The following SCFD2 variants were observed in gnomAD, a reference collection of about 807,000 sequenced individuals.
SCFD2 encodes sec1 family domain-containing protein 2.
In SCFD2, 54 loss-of-function variants were observed where a neutral mutation model predicts 58.9. The observed-to-expected ratio is 0.92, with a 90% CI of 0.74 to 1.15. The LOEUF is 1.15. SCFD2 is among the 50% of genes most tolerant of loss of function. The probability of loss-of-function intolerance (pLI) is 0.00; values close to 1 mark genes in which losing one functional copy is unlikely to be tolerated. For missense variants in SCFD2, 805 were observed against 836.6 expected, an observed-to-expected ratio of 0.96 and a Z score of 0.47; for synonymous variants, 321 against 335.9, an observed-to-expected ratio of 0.96 and a Z score of 0.49.
intron 2 of SCFD2, among the ~76,000 whole-genome samples, chr4:53,340,940 C>T (rs1733850313): frequency 6.6e-6 from 1 of 152,106 alleles, no homozygotes; most frequent in African/African-American, 2.4e-5. Context: ...AAAGGACATC[C>T]ACACCAAAAC....
At chr4:52,921,726 G>A (rs1247833846) in intron 5 of SCFD2, among the ~76,000 whole-genome samples, 1 of 152,128 alleles carries the variant, frequency 6.6e-6, no homozygotes, top group African/African-American at 2.4e-5. Context: ...CCCTGCGAGA[G>A]TGGTAAAGTT....
At chr4:53,232,351 G>A (rs953852491) in intron 4 of SCFD2, among the ~76,000 whole-genome samples, 17 of 152,166 alleles carry the variant, frequency 1.1e-4, no homozygotes, top group African/African-American at 3.9e-4. Context: ...AAAGCTCCAC[G>A]TGGAAGGGTG....
chr4:53,128,521 G>C (rs982223955), intron 5 of SCFD2, among the ~76,000 whole-genome samples: 1 of 152,078 alleles, frequency 6.6e-6, no homozygotes, highest in Non-Finnish European at 1.5e-5. Context: ...AAGGTGACCA[G>C]TTATAAGATA....
chr4:52,975,086 A>T (rs1024849154), intron 5 of SCFD2, among the ~76,000 whole-genome samples: 1 of 152,152 alleles, frequency 6.6e-6, no homozygotes, highest in Non-Finnish European at 1.5e-5. Flanking sequence ...AACCTAGGCA[A>T]TACCATTCAG....
chr4:53,164,788 C>CAA (rs767167356), intron 4 of SCFD2, among the ~76,000 whole-genome samples: 3,051 of 97,204 alleles, frequency 0.031, 71 homozygotes, highest in Middle Eastern at 0.058. Flanking sequence ...TCTGGAGTCT[C>CAA]AAAAAAAAAA....
intron 5 of SCFD2, among the ~76,000 whole-genome samples, chr4:53,112,889 T>C (rs2148885842): frequency 6.6e-6 from 1 of 152,110 alleles, no homozygotes; most frequent in East Asian, 1.9e-4. Context: ...TCCTTACGCA[T>C]TCCCTACCCC....
chr4:53,229,842 G>A (rs1005553262), intron 4 of SCFD2, among the ~76,000 whole-genome samples: 4 of 152,126 alleles, frequency 2.6e-5, no homozygotes, highest in African/African-American at 4.8e-5. Context: ...GCAACCTACA[G>A]AATGGGAGAA....
intron 5 of SCFD2, among the ~76,000 whole-genome samples, chr4:53,055,956 T>C (rs1203161321): frequency 6.6e-6 from 1 of 152,108 alleles, no homozygotes; most frequent in Non-Finnish European, 1.5e-5. Flanking sequence ...TGTGGTTCTC[T>C]CCTAGCCCCA....
chr4:53,252,944 A>G (rs1730453037), intron 4 of SCFD2, among the ~76,000 whole-genome samples: 1 of 152,218 alleles, frequency 6.6e-6, no homozygotes, highest in African/African-American at 2.4e-5. Context: ...CATCAGAGTG[A>G]ACAGGCAGCC....
At chr4:52,936,586 C>G (rs1028561069) in intron 5 of SCFD2, among the ~76,000 whole-genome samples, 2 of 152,180 alleles carry the variant, frequency 1.3e-5, no homozygotes, top group African/African-American at 4.8e-5. Context: ...TGTCTGCCAA[C>G]TCAGTTTTCA....
intron 5 of SCFD2, among the ~76,000 whole-genome samples, chr4:53,111,470 G>A (rs1725171319): frequency 6.6e-6 from 1 of 152,056 alleles, no homozygotes; most frequent in South Asian, 2.1e-4. Flanking sequence ...TTATCTTCAA[G>A]TCGGTCATCT....
chr4:53,230,584 G>C (rs1205143921), intron 4 of SCFD2, among the ~76,000 whole-genome samples: 5 of 139,558 alleles, frequency 3.6e-5, no homozygotes, highest in African/African-American at 5.4e-5. Flanking sequence ...AGAACGCATG[G>C]ACACAGGAAG....
At chr4:53,029,221 A>G (rs1330841127) in intron 5 of SCFD2, among the ~76,000 whole-genome samples, 1 of 150,640 alleles carries the variant, frequency 6.6e-6, no homozygotes, top group African/African-American at 2.4e-5. Context: ...GCCAATCTTC[A>G]TCTTTGGAAA....
At chr4:53,104,200 C>T (rs530211544) in intron 5 of SCFD2, among the ~76,000 whole-genome samples, 4 of 151,998 alleles carry the variant, frequency 2.6e-5, no homozygotes, top group Non-Finnish European at 5.9e-5. Context: ...GTAGAGAAAA[C>T]TGAAAAATGC....
chr4:52,939,182 C>T (rs1366014546), intron 5 of SCFD2, among the ~76,000 whole-genome samples: 1 of 152,048 alleles, frequency 6.6e-6, no homozygotes, highest in Non-Finnish European at 1.5e-5. Flanking sequence ...CCTCCACAGT[C>T]TAGGTGAAAA....
intron 4 of SCFD2, among the ~76,000 whole-genome samples, chr4:53,247,867 CAAAAAAAAAAAAA>C (rs35585900): frequency 1.8e-5 from 1 of 54,510 alleles, no homozygotes; most frequent in Non-Finnish European, 3.6e-5. Context: ...GACTCCGTCT[CAAAAAAAAAAAAA>C]AAAAAAAAAA....
intron 5 of SCFD2, among the ~76,000 whole-genome samples, chr4:52,965,653 T>C (rs1720946762): frequency 6.6e-6 from 1 of 152,218 alleles, no homozygotes; most frequent in African/African-American, 2.4e-5. Flanking sequence ...ATGCCTCCTC[T>C]AGCACCTCCT....
intron 5 of SCFD2, among the ~76,000 whole-genome samples, chr4:53,080,776 T>A (rs1281187854): frequency 6.6e-6 from 1 of 152,172 alleles, no homozygotes; most frequent in East Asian, 1.9e-4. Context: ...AACATAGCAC[T>A]GGGGATGCAC....
At chr4:53,135,364 A>G (rs1431753631) in intron 5 of SCFD2, among the ~76,000 whole-genome samples, 1 of 152,206 alleles carries the variant, frequency 6.6e-6, no homozygotes, top group Non-Finnish European at 1.5e-5. Flanking sequence ...AACTTTGGTG[A>G]TTTCAAATTT....
Sources: allele counts gnomAD v4.1 joint callset (sites outside exome capture counted in the v4.1 genomes callset), GRCh38; gene constraint gnomAD v4.1.1; transcripts MANE v1.5; gene names NCBI Gene and HGNC (gene_info 2026-07-23, HGNC 2026-07-21).